The following OR1A1 variants were observed in gnomAD, a reference collection of about 807,000 sequenced individuals.
The protein encoded by OR1A1 is olfactory receptor 1A1.
For synonymous variants in OR1A1, 145 were observed against 147.8 expected, an observed-to-expected ratio of 0.98 and a Z score of 0.13; for missense variants, 391 against 379.9, an observed-to-expected ratio of 1.03 and a Z score of -0.24.
intron 3 of OR1A1, chr17:3,213,363 G>A (rs886619559): frequency 6.6e-6 from 1 of 152,112 alleles, no homozygotes; most frequent in African/African-American, 2.4e-5. Context: ...TCTACCTCCT[G>A]TATCAATGAG....
At chr17:3,209,571 A>T (rs2150595265) in intron 2 of OR1A1, among the ~76,000 whole-genome samples, 1 of 152,336 alleles carries the variant, frequency 6.6e-6, no homozygotes, top group South Asian at 2.1e-4. Flanking sequence ...TGATACAGGC[A>T]TGCCATGTGA....
At position 3,216,702 on chromosome 17, in the gene OR1A1, A is replaced by G; in HGVS notation, c.*152A>G. ...ACTCTTATAACATTTTAATAAGTTA[A>G]TAATAAGTGATTATTGAAATTACCA... On this transcript the variant is annotated 3_prime_UTR_variant, in exon 4 of 4. Transcript: ENST00000641732. The G allele has an allele frequency of 1.7e-6, 1 of 603,522 alleles. No homozygotes were observed. Among genetic ancestry groups the G allele is most frequent in the South Asian group, 2.6e-5 (1 of 37,920 alleles). 37.4% of individuals were successfully genotyped at this position (603,522 alleles called of 1,614,324 possible).
At chr17:3,212,688 A>C (rs1289824093) in intron 3 of OR1A1, 89 bp downstream of exon 3, 2 of 152,226 alleles carry the variant, frequency 1.3e-5, no homozygotes. Context: ...AGTACATCAT[A>C]ATTATGAAAT....
At position 3,215,664 on chromosome 17, in the gene OR1A1, TG is replaced by T; in HGVS notation, c.47del (p.Gly16GlufsTer24). On this transcript the variant is annotated frameshift_variant, in exon 4 of 4. Coordinates refer to ENST00000641732, the MANE Select transcript of OR1A1 (RefSeq NM_014565.3). LOFTEE classifies it low-confidence loss of function (END_TRUNC). ...NQSSTLEFIL[L>X]GVTGQQEQED... The stretch of plus-strand genomic sequence containing the variant: ...TCCTCTACACTGGAATTCATCCTCC[TG>T]GGAGTTACTGGTCAGCAGGAACAGG... 6.2e-7 allele frequency: 1 copy of T among 1,614,190 alleles called. No homozygotes were observed. The highest frequency in any genetic ancestry group is 8.5e-7 in the Non-Finnish European group (1 of 1,180,026).
At chr17:3,211,140 A>T (rs553452109) in intron 2 of OR1A1, among the ~76,000 whole-genome samples, 39 of 152,256 alleles carry the variant, frequency 2.6e-4, no homozygotes, top group African/African-American at 9.1e-4. Context: ...GTCACACACC[A>T]CTTTCTAAGA....
chr17:3,213,357 C>T (rs1392187009), intron 3 of OR1A1: 1 of 152,176 alleles, frequency 6.6e-6, no homozygotes, highest in Admixed American at 6.5e-5. Flanking sequence ...TTTCTTTCTA[C>T]CTCCTGTATC....
chr17:3,209,288 G>C (rs12948838), intron 2 of OR1A1, among the ~76,000 whole-genome samples: 37,824 of 151,564 alleles, frequency 0.25, 5,479 homozygotes, highest in East Asian at 0.57. Context: ...TACGATGTTT[G>C]GTTTTCCATT....
rs373650324 is a variant in OR1A1 at position 3,215,716 on chromosome 17, G to A, written c.96G>A (p.Leu32=). The A allele has an allele frequency of 8.2e-5, 133 of 1,614,052 alleles. No homozygotes were observed. The African/African-American group carries it at 1.7e-3, about 20-fold the overall frequency. ...EQEDFFYILF[L]FIYPITLIGN... is the part of the protein sequence containing the mutation. Reference sequence around the variant, plus strand: ...AAGATTTCTTCTACATCCTCTTCTTGTTCATTTACCCCATCACATTGATTG... The same window carrying A: ...AAGATTTCTTCTACATCCTCTTCTTATTCATTTACCCCATCACATTGATTG... Residue 32 remains leucine (L), a synonymous_variant, in exon 4 of 4, where the codon TTG becomes TTA. Transcript: ENST00000641732.
chr17:3,209,649 C>G (rs957647792), intron 2 of OR1A1, among the ~76,000 whole-genome samples: 3 of 152,046 alleles, frequency 2.0e-5, no homozygotes, highest in Non-Finnish European at 4.4e-5. Context: ...TGGCACACAC[C>G]TGTAGTCCCA....
chr17:3,218,258 G>A lies in OR1A1; in HGVS notation c.*1708G>A, dbSNP rs2048480495. The A allele has an allele frequency of 6.6e-6, 1 of 152,182 alleles. No individual in the cohort carries two copies. The highest frequency in any genetic ancestry group is 2.4e-5 in the African/African-American group (1 of 41,444). The allele number at this position is 152,182 out of a possible 1,614,324, so 9.4% of individuals were successfully genotyped here. On this transcript the variant is annotated 3_prime_UTR_variant, in exon 4 of 4. Transcript: ENST00000641732. ...CAGTTGGAATGGCGATCATTAAAAA[G>A]TAAGGAAACAACATATGCTGGAGAG...
At position 3,215,839 on chromosome 17, in the gene OR1A1, C is replaced by T. The variant is rs2048464835; in HGVS notation, c.219C>T (p.Phe73=). The T allele has an allele frequency of 6.2e-7, 1 of 1,614,204 alleles. No homozygotes were observed. ...ACCTCTCCTTGGTTGACATCTTCTT[C>T]TCATCGGTAACCATCCCTAAGATGC... ...LANLSLVDIF[F]SSVTIPKMLA... is the part of the protein sequence containing the mutation. Residue 73 remains phenylalanine (F), a synonymous_variant, in exon 4 of 4, where the codon TTC becomes TTT. Transcript: ENST00000641732.
In OR1A1 at chr17:3,207,835, T is replaced by C. The variant is rs1022390689; in HGVS notation, c.-722T>C. On this transcript the variant is annotated 5_prime_UTR_variant, in exon 1 of 4. Transcript: ENST00000641732. ...GCTAGCAGGTGCTAGATGAACTAAC[T>C]GCAAACTTCCTTTCTGTGGAGGAGA... 6.6e-5 allele frequency: 10 copies of C among 152,254 alleles called. No individual in the cohort carries two copies. Among genetic ancestry groups the C allele is most frequent in the African/African-American group, 2.2e-4 (9 of 41,450 alleles). The allele number at this position is 152,254 out of a possible 1,614,324, so 9.4% of individuals were successfully genotyped here. A position where few individuals can be genotyped will look rare whatever the true frequency, so the allele number is the denominator to read the frequency against.
rs1162924947 is a variant in OR1A1, at chr17:3,218,802, G to C, written c.*2252G>C. Reference sequence around the variant, plus strand: ...GGGGCAAGAGGAGGGATAGCATTAGGAGAAATACCTAATGCAGATGTCAGG... The same window carrying C: ...GGGGCAAGAGGAGGGATAGCATTAGCAGAAATACCTAATGCAGATGTCAGG... On this transcript the variant is annotated 3_prime_UTR_variant, in exon 4 of 4. Transcript: ENST00000641732. 3.9e-5 allele frequency: 6 copies of C among 152,136 alleles called. No individual in the cohort carries two copies. Among genetic ancestry groups the C allele is most frequent in the Non-Finnish European group, 7.3e-5 (5 of 68,042 alleles). The allele number at this position is 152,136 out of a possible 1,614,324, so 9.4% of individuals were successfully genotyped here.
At position 3,216,845 on chromosome 17, in the gene OR1A1, T is replaced by C. The variant is rs771656574; in HGVS notation, c.*295T>C. The C allele has an allele frequency of 2.8e-4, 84 of 295,480 alleles. No individual in the cohort carries two copies. Among genetic ancestry groups the C allele is most frequent in the Middle Eastern group, 1.0e-3 (1 of 982 alleles). The allele number at this position is 295,480 out of a possible 1,614,324, so 18.3% of individuals were successfully genotyped here. Reference sequence around the variant, plus strand: ...AGCCTCAGCTTTCACATCTACATGTTAGGAATAATAAGTGCCCTACATGGG... The same window carrying C: ...AGCCTCAGCTTTCACATCTACATGTCAGGAATAATAAGTGCCCTACATGGG... On this transcript the variant is annotated 3_prime_UTR_variant, in exon 4 of 4. Coordinates refer to ENST00000641732, the MANE Select transcript of OR1A1 (RefSeq NM_014565.3).
intron 1 of OR1A1, 90 bp from the exon 2 acceptor site, chr17:3,208,491 A>C (rs1597291156): frequency 6.6e-6 from 1 of 152,114 alleles, no homozygotes. Context: ...CTGAACTATC[A>C]TGGAAGTCTC....
chr17:3,210,137 G>A (rs61157789), intron 2 of OR1A1, among the ~76,000 whole-genome samples: 64,092 of 150,814 alleles, frequency 0.42, 13,950 homozygotes, highest in Middle Eastern at 0.5. Context: ...CAATGCACAT[G>A]TGCCCGTCTT....
intron 2 of OR1A1, among the ~76,000 whole-genome samples, chr17:3,209,765 G>A (rs1252096479): frequency 1.3e-5 from 2 of 152,068 alleles, no homozygotes. Flanking sequence ...GTGAGACCTT[G>A]TTTCTAAATA....
At chr17:3,211,984 TAAGTAC>T (rs140353498) in intron 2 of OR1A1, among the ~76,000 whole-genome samples, 36,068 of 152,002 alleles carry the variant, frequency 0.24, 5,294 homozygotes, top group East Asian at 0.56. Context: ...ATTTAGTGTT[TAAGTAC>T]AAGAATAGTA....
chr17:3,210,746 C>A (rs753305123), intron 2 of OR1A1, among the ~76,000 whole-genome samples: 1 of 152,122 alleles, frequency 6.6e-6, no homozygotes, highest in Non-Finnish European at 1.5e-5. Context: ...GCTGGGATCA[C>A]AGGCACCCAC....
Sources: gnomAD v4.1 joint callset for allele counts (sites outside exome capture counted in the v4.1 genomes callset) on GRCh38, gnomAD v4.1.1 for gene constraint, MANE v1.5 for transcripts, NCBI Gene and HGNC (gene_info 2026-07-23, HGNC 2026-07-21) for gene names.